SLC24A2: variants seen among roughly 807,000 people sequenced by gnomAD.
SLC24A2 encodes the protein solute carrier family 24 member 2.
Under a neutral mutation model 62.0 loss-of-function variants are expected in SLC24A2, and 36 were observed. That is an observed-to-expected ratio of 0.58 (90% CI 0.44 to 0.77). The LOEUF is 0.77. Among genes scored for constraint, SLC24A2 ranks in the 30% least tolerant of loss-of-function variants. SLC24A2 has a pLI of 0.00. For missense variants in SLC24A2, 846 were observed against 817.9 expected, an observed-to-expected ratio of 1.03 and a Z score of -0.42; for synonymous variants, 358 against 294.0, an observed-to-expected ratio of 1.22 and a Z score of -2.23.
At chr9:20,112,773 T>C in the SLC24A2 span, among the ~76,000 whole-genome samples, 1 of 151,910 alleles carries the variant, frequency 6.6e-6, no homozygotes, top group Admixed American at 6.6e-5. Flanking sequence ...ATCACCTAAT[T>C]TTTAGTGTGT....
At chr9:19,958,975 T>C in the SLC24A2 span, among the ~76,000 whole-genome samples, 1 of 152,204 alleles carries the variant, frequency 6.6e-6, no homozygotes, top group African/African-American at 2.4e-5. Context: ...GAACAATTTT[T>C]GTGTAGCAAG....
At chr9:19,647,656 G>T (rs937630918) in intron 2 of SLC24A2, among the ~76,000 whole-genome samples, 24 of 152,160 alleles carry the variant, frequency 1.6e-4, no homozygotes, top group Non-Finnish European at 1.5e-4. Flanking sequence ...GATGAAAGGG[G>T]AAAACAAACA....
intron 7 of SLC24A2, among the ~76,000 whole-genome samples, chr9:19,562,199 T>A (rs1034662758): frequency 1.3e-5 from 2 of 152,194 alleles, no homozygotes; most frequent in Non-Finnish European, 2.9e-5. Context: ...ATAAAATCCA[T>A]AAGTGATTTG....
At chr9:20,106,936 G>T in the SLC24A2 span, among the ~76,000 whole-genome samples, 1 of 152,110 alleles carries the variant, frequency 6.6e-6, no homozygotes, top group African/African-American at 2.4e-5. Flanking sequence ...ACATGATTGT[G>T]TATCTAGAAA....
the SLC24A2 span, among the ~76,000 whole-genome samples, chr9:19,880,873 G>A: frequency 1.3e-5 from 2 of 152,114 alleles, no homozygotes; most frequent in African/African-American, 4.8e-5. Context: ...TATAATTTGG[G>A]GGTCATCAAG....
intron 2 of SLC24A2, among the ~76,000 whole-genome samples, chr9:19,695,032 C>T (rs1049189779): frequency 1.4e-5 from 2 of 148,140 alleles, no homozygotes; most frequent in African/African-American, 5.0e-5. Flanking sequence ...AAAAGGCCGG[C>T]CAGCCATATA....
At chr9:19,675,369 G>C (rs1000045960) in intron 2 of SLC24A2, among the ~76,000 whole-genome samples, 1 of 152,144 alleles carries the variant, frequency 6.6e-6, no homozygotes. Context: ...GACAGTGTCA[G>C]CTGCCATAGT....
chr9:19,637,263 T>G (rs1818382007), intron 2 of SLC24A2, among the ~76,000 whole-genome samples: 1 of 152,224 alleles, frequency 6.6e-6, no homozygotes, highest in Non-Finnish European at 1.5e-5. Context: ...AAGATCTGAA[T>G]GTCACTGCAG....
chr9:19,662,837 C>A (rs1250035380), intron 2 of SLC24A2, among the ~76,000 whole-genome samples: 1 of 152,126 alleles, frequency 6.6e-6, no homozygotes, highest in African/African-American at 2.4e-5. Flanking sequence ...ACAATTGCTC[C>A]TTGGTTTCAT....
chr9:19,843,647 T>C, the SLC24A2 span, among the ~76,000 whole-genome samples: 2 of 152,116 alleles, frequency 1.3e-5, no homozygotes, highest in African/African-American at 2.4e-5. Context: ...CAGGGCCCAA[T>C]ATTTGCTTTT....
At chr9:19,742,767 C>T (rs1266044692) in intron 2 of SLC24A2, among the ~76,000 whole-genome samples, 1 of 152,148 alleles carries the variant, frequency 6.6e-6, no homozygotes, top group Non-Finnish European at 1.5e-5. Context: ...TGAACTATCC[C>T]CTACCTCCAC....
At chr9:19,676,770 A>G (rs1032077086) in intron 2 of SLC24A2, among the ~76,000 whole-genome samples, 2 of 152,206 alleles carry the variant, frequency 1.3e-5, no homozygotes, top group African/African-American at 4.8e-5. Context: ...ATTAGGAAGG[A>G]TAGATTTGGC....
At chr9:19,780,066 A>T (rs1822967443) in intron 2 of SLC24A2, among the ~76,000 whole-genome samples, 1 of 152,164 alleles carries the variant, frequency 6.6e-6, no homozygotes, top group Admixed American at 6.5e-5. Flanking sequence ...CCGTCTCAAA[A>T]CAAAAATCAA....
At chr9:20,178,503 T>A in the SLC24A2 span, among the ~76,000 whole-genome samples, 5 of 152,190 alleles carry the variant, frequency 3.3e-5, no homozygotes, top group African/African-American at 1.2e-4. Context: ...CCTCTGACTT[T>A]GACAGATTTT....
intron 2 of SLC24A2, among the ~76,000 whole-genome samples, chr9:19,636,323 C>CCTTTCCT (rs748059488): frequency 1.0e-4 from 2 of 19,168 alleles, no homozygotes; most frequent in African/African-American, 3.9e-4. Flanking sequence ...TCTTTTCTTT[C>CCTTTCCT]TTTCTTTCTT....
chr9:19,824,009 A>G, the SLC24A2 span, among the ~76,000 whole-genome samples: 2 of 152,214 alleles, frequency 1.3e-5, no homozygotes, highest in African/African-American at 4.8e-5. Flanking sequence ...TACACCTTAA[A>G]TAAAAATTAA....
chr9:19,658,386 A>AC lies in SLC24A2; in HGVS notation c.931-36088dup, dbSNP rs1354883865. On this transcript the variant is annotated intron_variant, in intron 2 of 10. Coordinates refer to ENST00000341998, the MANE Select transcript of SLC24A2 (RefSeq NM_020344.4). ...ATCCATTCACAAAAATGATACCTGTACCCCTCACTTGTGCCAAGTTCATAA... is the reference window on the plus strand; with the variant it reads ...ATCCATTCACAAAAATGATACCTGTACCCCCTCACTTGTGCCAAGTTCATAA... Among the ~76,000 whole-genome samples the AC allele has an allele frequency of 8.5e-5, 13 of 152,190 alleles. No homozygotes were observed. In the South Asian group the frequency reaches 2.7e-3, roughly 32 times the overall value.
At chr9:19,834,359 C>T in the SLC24A2 span, among the ~76,000 whole-genome samples, 2 of 152,020 alleles carry the variant, frequency 1.3e-5, no homozygotes, top group African/African-American at 4.8e-5. Flanking sequence ...ACTAGAATAA[C>T]CAATGCAGAG....
At chr9:19,639,112 T>C (rs919404489) in intron 2 of SLC24A2, among the ~76,000 whole-genome samples, 1 of 70,444 alleles carries the variant, frequency 1.4e-5, no homozygotes, top group Non-Finnish European at 2.9e-5. Context: ...CAAGTGGTTT[T>C]TTCCCCCAAC....
Sources: gnomAD v4.1 joint callset for allele counts (sites outside exome capture counted in the v4.1 genomes callset) on GRCh38, gnomAD v4.1.1 for gene constraint, MANE v1.5 for transcripts, NCBI Gene and HGNC (gene_info 2026-07-23, HGNC 2026-07-21) for gene names.